NTM: variants seen among roughly 807,000 people sequenced by gnomAD.
The protein encoded by NTM is IgLON family member 2.
NTM carries 13 observed loss-of-function variants against 42.1 expected under a neutral mutation model. That is an observed-to-expected ratio of 0.31 (90% confidence interval 0.20 to 0.49). The LOEUF is 0.49. Among genes scored for constraint, NTM ranks in the 20% least tolerant of loss-of-function variants. The probability of loss-of-function intolerance (pLI) is 0.99; values close to 1 mark genes in which losing one functional copy is unlikely to be tolerated. For missense variants in NTM, 373 were observed against 452.8 expected, an observed-to-expected ratio of 0.82 and a Z score of 1.60; for synonymous variants, 187 against 179.2, an observed-to-expected ratio of 1.04 and a Z score of -0.35.
In NTM at chr11:131,621,182, G is replaced by A. The variant is rs140318007; in HGVS notation, c.82+250294G>A. ...CACATAACTAGTAAATGGTGGCCCA[G>A]GTATTAATTTACGTCTGTGTATTCA... is the stretch of plus-strand genomic sequence containing the variant. On this transcript the variant is annotated intron_variant, in intron 1 of 8. Coordinates refer to ENST00000683400, the MANE Select transcript of NTM (RefSeq NM_001352005.2). Among the ~76,000 whole-genome samples the A allele has an allele frequency of 7.4e-3, 1,127 of 152,262 alleles. 16 individuals carry two copies. Among genetic ancestry groups the A allele is most frequent in the African/African-American group, 0.026 (1,072 of 41,558 alleles).
At position 131,425,613 on chromosome 11, in the gene NTM, C is replaced by A. The variant is rs146184199; in HGVS notation, c.82+54725C>A. Reference sequence around the variant, plus strand: ...TCTGGCACTAAGGAAAGCCCCACACCTGCATAGTGTCAGTAGTGCCTTTGA... The same window carrying A: ...TCTGGCACTAAGGAAAGCCCCACACATGCATAGTGTCAGTAGTGCCTTTGA... On this transcript the variant is annotated intron_variant, in intron 1 of 8. Transcript: ENST00000683400. Among the ~76,000 whole-genome samples the A allele has an allele frequency of 5.0e-3, 758 of 152,302 alleles. 8 individuals carry two copies. Among genetic ancestry groups the A allele is most frequent in the Middle Eastern group, 0.02 (6 of 294 alleles).
chr11:132,072,654 G>A (rs886425457), intron 2 of NTM, among the ~76,000 whole-genome samples: 1 of 152,192 alleles, frequency 6.6e-6, no homozygotes, highest in African/African-American at 2.4e-5. Flanking sequence ...TTCAGTCTCA[G>A]ATAAATCTTT....
chr11:132,250,783 G>T (rs2091858105), intron 4 of NTM, among the ~76,000 whole-genome samples: 1 of 151,774 alleles, frequency 6.6e-6, no homozygotes, highest in Non-Finnish European at 1.5e-5. Context: ...AGTCAAGTTT[G>T]TCATGCATTT....
intron 2 of NTM, among the ~76,000 whole-genome samples, chr11:132,056,000 T>C (rs1042076215): frequency 2.0e-5 from 3 of 152,200 alleles, no homozygotes; most frequent in Non-Finnish European, 4.4e-5. Flanking sequence ...CCATGGTTCC[T>C]GAGGAGGAAG....
At chr11:132,313,165 C>G (rs1365292740) in intron 6 of NTM, among the ~76,000 whole-genome samples, 2 of 113,692 alleles carry the variant, frequency 1.8e-5, no homozygotes, top group African/African-American at 2.8e-5. Flanking sequence ...CAGCTGCACT[C>G]TATGCCAAAA....
chr11:132,134,270 C>G (rs921555896), intron 2 of NTM, among the ~76,000 whole-genome samples: 1 of 152,046 alleles, frequency 6.6e-6, no homozygotes, highest in Non-Finnish European at 1.5e-5. Flanking sequence ...GGAACACCTT[C>G]TCACCTCTTT....
At chr11:131,935,131 T>C (rs952457216) in intron 2 of NTM, among the ~76,000 whole-genome samples, 2 of 152,172 alleles carry the variant, frequency 1.3e-5, no homozygotes, top group Non-Finnish European at 2.9e-5. Context: ...ATGGGGTTGA[T>C]AAGTTAATAT....
At chr11:132,108,161 C>T (rs140394656) in intron 2 of NTM, among the ~76,000 whole-genome samples, 1 of 152,148 alleles carries the variant, frequency 6.6e-6, no homozygotes, top group Non-Finnish European at 1.5e-5. Flanking sequence ...TGTTTCTAAT[C>T]GATTCACACA....
chr11:132,272,825 A>T (rs1333799940), intron 4 of NTM, among the ~76,000 whole-genome samples: 1 of 152,076 alleles, frequency 6.6e-6, no homozygotes, highest in Non-Finnish European at 1.5e-5. Flanking sequence ...GAATAGATTT[A>T]CTTCCTTCCT....
At chr11:132,261,983 C>T (rs1324859511) in intron 4 of NTM, among the ~76,000 whole-genome samples, 1 of 152,230 alleles carries the variant, frequency 6.6e-6, no homozygotes, top group African/African-American at 2.4e-5. Context: ...GGATAAAGAG[C>T]ACTCCAAGTC....
At chr11:131,597,756 G>A (rs139510837) in intron 1 of NTM, among the ~76,000 whole-genome samples, 1 of 152,142 alleles carries the variant, frequency 6.6e-6, no homozygotes, top group Admixed American at 6.5e-5. Flanking sequence ...TCCTACCGTC[G>A]GTCTGTGGAT....
chr11:131,663,565 G>A (rs990010954), intron 1 of NTM: 1 of 152,300 alleles, frequency 6.6e-6, no homozygotes, highest in Non-Finnish European at 1.5e-5. Flanking sequence ...CTAGCTTTGA[G>A]GGAGCAGCAG....
chr11:131,686,342 A>T (rs1479116221), intron 1 of NTM, among the ~76,000 whole-genome samples: 1 of 152,214 alleles, frequency 6.6e-6, no homozygotes, highest in Non-Finnish European at 1.5e-5. Flanking sequence ...ATTAACATGG[A>T]TTTTGCATGT....
chr11:131,886,083 T>C (rs2050343046), intron 1 of NTM, among the ~76,000 whole-genome samples: 1 of 152,128 alleles, frequency 6.6e-6, no homozygotes, highest in South Asian at 2.1e-4. Context: ...TGCCAACCAG[T>C]ACAGTTTCAA....
intron 1 of NTM, among the ~76,000 whole-genome samples, chr11:131,470,181 C>T (rs555891289): frequency 6.6e-6 from 1 of 152,162 alleles, no homozygotes; most frequent in Non-Finnish European, 1.5e-5. Flanking sequence ...GTTTTAAAGA[C>T]CTGTTCTGCT....
At chr11:131,465,995 T>C (rs759620051) in intron 1 of NTM, among the ~76,000 whole-genome samples, 5 of 152,178 alleles carry the variant, frequency 3.3e-5, no homozygotes, top group Non-Finnish European at 5.9e-5. Flanking sequence ...AAGCTATCAC[T>C]CTGCAGGAGT....
chr11:131,577,376 ACTCTT>A (rs2058032714), intron 1 of NTM, among the ~76,000 whole-genome samples: 1 of 152,064 alleles, frequency 6.6e-6, no homozygotes, highest in Admixed American at 6.6e-5. Flanking sequence ...CTATCTATCA[ACTCTT>A]ATAGCACTTC....
chr11:131,963,078 A>G lies in NTM; in HGVS notation c.167+51430A>G, dbSNP rs143833573. On this transcript the variant is annotated intron_variant, in intron 2 of 8. Transcript: ENST00000683400. ...ACATCTTTGTCAGCATCCCATTCTC[A>G]TCACTGAAATCTGTCAGGAACTGTG... 5.0e-3 allele frequency among the ~76,000 whole-genome samples: 767 copies of G among 152,276 alleles called. 7 individuals carry two copies. The highest frequency in any genetic ancestry group is 0.017 in the African/African-American group (717 of 41,568).
At chr11:131,500,034 C>T (rs1257354729) in intron 1 of NTM, among the ~76,000 whole-genome samples, 3 of 152,226 alleles carry the variant, frequency 2.0e-5, no homozygotes, top group African/African-American at 4.8e-5. Context: ...GTGGTCCCCC[C>T]ATGCCTGCCC....
Sources: allele counts gnomAD v4.1 joint callset (sites outside exome capture counted in the v4.1 genomes callset), GRCh38; gene constraint gnomAD v4.1.1; transcripts MANE v1.5; gene names NCBI Gene and HGNC (gene_info 2026-07-23, HGNC 2026-07-21).